WASF3: variants seen among roughly 807,000 people sequenced by gnomAD.
WASF3 encodes WASP family member 3, also known as actin-binding protein WASF3.
A neutral mutation model predicts 46.6 loss-of-function variants in WASF3; 11 were observed. The ratio of observed to expected loss-of-function variants is 0.24; its 90% confidence interval spans 0.15 to 0.39. The LOEUF (loss-of-function observed/expected upper bound fraction) is 0.39, where lower values mean the gene tolerates loss of function less well. Among genes scored for constraint, WASF3 ranks in the 10% least tolerant of loss-of-function variants. The pLI is 1.00. For missense variants in WASF3, 576 were observed against 669.8 expected (o/e 0.86, Z 1.55); for synonymous variants, 242 against 259.7 (o/e 0.93, Z 0.65).
chr13:26,578,851 A>G (rs1432238992), intron 1 of WASF3, among the ~76,000 whole-genome samples: 2 of 152,058 alleles, frequency 1.3e-5, no homozygotes, highest in African/African-American at 2.4e-5. Flanking sequence ...TTTCTTTAAC[A>G]AATCAACAGT....
rs1883165023 is a variant in WASF3, at chr13:26,679,599, G to A, written c.717-1455G>A. On this transcript the variant is annotated intron_variant, in intron 7 of 9. Coordinates refer to ENST00000335327, the MANE Select transcript of WASF3 (RefSeq NM_006646.6). This position sits in a 1 kb window ranked among gnomAD's most constrained non-coding sequence, Gnocchi z 4.8. ...TGGAGAACTCTGTTTCCTTTAAAAG[G>A]TTGCACTGTAAGCCAGTGACTCGTA... 6.6e-6 allele frequency among the ~76,000 whole-genome samples: 1 copy of A among 152,138 alleles called. No individual in the cohort carries two copies. Among genetic ancestry groups the A allele is most frequent in the Non-Finnish European group, 1.5e-5 (1 of 68,034 alleles).
intron 3 of WASF3, among the ~76,000 whole-genome samples, chr13:26,653,357 T>TCTTGCTCCCACAGCAAGATTC (rs1882371949): frequency 6.6e-6 from 1 of 152,242 alleles, no homozygotes; most frequent in Admixed American, 6.5e-5. Context: ...TCATCCCATT[T>TCTTGCTCCCACAGCAAGATTC]CTTGCTCCCA....
At chr13:26,656,113 C>A (rs1347912476) in intron 3 of WASF3, among the ~76,000 whole-genome samples, 1 of 152,090 alleles carries the variant, frequency 6.6e-6, no homozygotes, top group East Asian at 1.9e-4. Flanking sequence ...ATACAAGATA[C>A]CTTGATTGTT....
chr13:26,553,050 AATAGTTG>A (rs1879003270), upstream of WASF3, among the ~76,000 whole-genome samples: 1 of 152,190 alleles, frequency 6.6e-6, no homozygotes, highest in Non-Finnish European at 1.5e-5. Context: ...AGGTTTTAAA[AATAGTTG>A]TGAAGCATAT....
At chr13:26,649,990 AC>A (rs1238831482) in intron 3 of WASF3, among the ~76,000 whole-genome samples, 31 of 151,998 alleles carry the variant, frequency 2.0e-4, no homozygotes, top group Non-Finnish European at 2.1e-4. Context: ...AATTGCTTGA[AC>A]CCAGCAGGCG....
intron 3 of WASF3, among the ~76,000 whole-genome samples, chr13:26,647,038 T>C (rs1882171239): frequency 6.6e-6 from 1 of 152,224 alleles, no homozygotes; most frequent in Non-Finnish European, 1.5e-5. Context: ...GATATGCTCT[T>C]ACTACATCCA....
intron 1 of WASF3, among the ~76,000 whole-genome samples, chr13:26,579,656 C>T (rs746533755): frequency 1.1e-4 from 17 of 152,148 alleles, no homozygotes; most frequent in Non-Finnish European, 2.5e-4. Flanking sequence ...ACATGATTCT[C>T]TCTGTAACAG....
chr13:26,580,838 T>C (rs1879958059), intron 1 of WASF3, among the ~76,000 whole-genome samples: 2 of 151,860 alleles, frequency 1.3e-5, no homozygotes, highest in South Asian at 4.2e-4. Context: ...TTGGTCAGGT[T>C]GGTCTCGAGC....
chr13:26,541,435 T>C, the WASF3 span, among the ~76,000 whole-genome samples: 1 of 152,228 alleles, frequency 6.6e-6, no homozygotes. Context: ...GACTATTTTA[T>C]GGATAATCTC....
intron 1 of WASF3, chr13:26,609,715 G>T (rs1216809397): frequency 1.3e-5 from 2 of 152,128 alleles, no homozygotes; most frequent in African/African-American, 4.8e-5. Flanking sequence ...AGTGAACAAG[G>T]ATAAGTACAT....
rs1183393470 is a variant in WASF3 at position 26,679,096 on chromosome 13, C to T, written c.717-1958C>T. On this transcript the variant is annotated intron_variant, in intron 7 of 9. Coordinates refer to ENST00000335327, the MANE Select transcript of WASF3 (RefSeq NM_006646.6). The surrounding 1 kb of genome is among the most constrained non-coding windows in gnomAD (Gnocchi z 4.8). ...AGTCCTCTTCCTCCCGTGTCAGTGT[C>T]GCCTCTGGCCCTCCCAGTCCTCTCT... 6.6e-6 allele frequency among the ~76,000 whole-genome samples: 1 copy of T among 151,722 alleles called. No homozygotes were observed. Among genetic ancestry groups the T allele is most frequent in the Non-Finnish European group, 1.5e-5 (1 of 67,980 alleles).
chr13:26,615,745 C>T (rs1028537018), intron 2 of WASF3, among the ~76,000 whole-genome samples: 2 of 152,208 alleles, frequency 1.3e-5, no homozygotes, highest in African/African-American at 4.8e-5. Flanking sequence ...AACTGGTGAC[C>T]GTTGTTTCCT....
chr13:26,676,711 T>C lies in WASF3; in HGVS notation c.703T>C (p.Ser235Pro). The C allele has an allele frequency of 6.2e-7, 1 of 1,613,856 alleles. No homozygotes were observed. The highest frequency in any genetic ancestry group is 8.5e-7 in the Non-Finnish European group (1 of 1,179,872). ...TGGAGCGTCTTCCGAGGGATCCCTG[T>C]CCCCAGATACTAGGTGTGTGTGTGT... ...YHGASSEGSL[S>P]PDTRSHASDV... Residue 235 changes from serine (S) to proline (P), a missense_variant, in exon 7 of 10, where the codon TCC becomes CCC. Physicochemically the swap from Ser to Pro is moderately conservative, Grantham distance 74. This residue lies in a region of WASF3 where 295 missense variants were observed against 291.5 expected (regional missense o/e 1.01). Coordinates refer to ENST00000335327, the MANE Select transcript of WASF3 (RefSeq NM_006646.6).
chr13:26,558,722 A>T (rs1879186546), intron 1 of WASF3, among the ~76,000 whole-genome samples: 1 of 152,146 alleles, frequency 6.6e-6, no homozygotes. Flanking sequence ...TTTAAGGTTA[A>T]TTTTTAAATT....
chr13:26,647,697 T>C (rs1882190898), intron 3 of WASF3, among the ~76,000 whole-genome samples: 1 of 151,554 alleles, frequency 6.6e-6, no homozygotes, highest in Non-Finnish European at 1.5e-5. Context: ...TGTTTTTCGC[T>C]CCTCCCCCAT....
intron 1 of WASF3, among the ~76,000 whole-genome samples, chr13:26,605,493 A>AT (rs146029236): frequency 0.013 from 2,035 of 151,482 alleles, 47 homozygotes; most frequent in African/African-American, 0.045. Flanking sequence ...AGGAAGATGC[A>AT]TTTTTTTTTA....
intron 1 of WASF3, among the ~76,000 whole-genome samples, chr13:26,594,574 G>A (rs1593137003): frequency 6.6e-6 from 1 of 152,250 alleles, no homozygotes; most frequent in African/African-American, 2.4e-5. Flanking sequence ...CTGCCCTGTT[G>A]TAGCTCCTGT....
chr13:26,649,340 A>G (rs904729728), intron 3 of WASF3, among the ~76,000 whole-genome samples: 1 of 152,242 alleles, frequency 6.6e-6, no homozygotes, highest in Non-Finnish European at 1.5e-5. Context: ...AGTAGAAGCA[A>G]GACCCACAGA....
At chr13:26,582,612 G>T (rs1880013278) in intron 1 of WASF3, among the ~76,000 whole-genome samples, 1 of 139,630 alleles carries the variant, frequency 7.2e-6, no homozygotes, top group South Asian at 2.3e-4. Flanking sequence ...GGGAGGTGGA[G>T]GTTGCAGTGA....
Sources: allele counts gnomAD v4.1 joint callset (sites outside exome capture counted in the v4.1 genomes callset), GRCh38; gene constraint gnomAD v4.1.1; regional missense constraint gnomAD v4.1.1; non-coding constraint Gnocchi (gnomAD v3.1); transcripts MANE v1.5; gene names NCBI Gene and HGNC (gene_info 2026-07-23, HGNC 2026-07-21).